The following ASXL1 variants were observed in gnomAD, a reference collection of about 807,000 sequenced individuals.
ASXL1 encodes the protein ASXL transcriptional regulator 1, also known as polycomb group protein ASXL1.
Under a neutral mutation model 89.1 loss-of-function variants are expected in ASXL1, and 65 were observed. The observed-to-expected ratio is 0.73, with a 90% CI of 0.60 to 0.90. ASXL1 has a LOEUF of 0.90. Ranked by LOEUF, ASXL1 falls within the 40% of genes least tolerant of loss-of-function variation. ASXL1 has a pLI of 0.00. For missense variants in ASXL1, 1,786 were observed against 1,942.9 expected (o/e 0.92, Z 1.52); for synonymous variants, 739 against 746.9 (o/e 0.99, Z 0.17).
At position 32,438,455 on chromosome 20, in the gene ASXL1, C is replaced by T. The variant is rs954640877; in HGVS notation, c.*1117C>T. 1.7e-5 allele frequency: 4 copies of T among 233,416 alleles called. No individual in the cohort carries two copies. The highest frequency in any genetic ancestry group is 3.4e-5 in the Non-Finnish European group (4 of 118,028). 14.5% of individuals were successfully genotyped at this position (233,416 alleles called of 1,614,324 possible). ...AGCCACTGAGTGCTGTGCTGCTCGACGTGAGGGTGAAATGATTGACTTGTG... is the reference window on the plus strand; with the variant it reads ...AGCCACTGAGTGCTGTGCTGCTCGATGTGAGGGTGAAATGATTGACTTGTG... On this transcript the variant is annotated 3_prime_UTR_variant, in exon 13 of 13. Coordinates refer to ENST00000375687, the MANE Select transcript of ASXL1 (RefSeq NM_015338.6).
At chr20:32,388,052 ACT>A (rs1442057042) in intron 4 of ASXL1, among the ~76,000 whole-genome samples, 1 of 151,596 alleles carries the variant, frequency 6.6e-6, no homozygotes, top group Non-Finnish European at 1.5e-5. Context: ...TCATTTTATC[ACT>A]CTCTCTGCCA....
intron 4 of ASXL1, among the ~76,000 whole-genome samples, chr20:32,384,557 A>C (rs1209135230): frequency 6.6e-6 from 1 of 152,160 alleles, no homozygotes; most frequent in Non-Finnish European, 1.5e-5. Context: ...TTCTTTGACT[A>C]ATTCCCAAAG....
intron 4 of ASXL1, among the ~76,000 whole-genome samples, chr20:32,392,894 A>G (rs1039437013): frequency 3.3e-5 from 5 of 152,154 alleles, no homozygotes; most frequent in Non-Finnish European, 7.3e-5. Flanking sequence ...GATCAGAATA[A>G]GGTGTCTTGA....
chr20:32,367,665 T>G (rs1000221433), intron 2 of ASXL1, 62 bp from the exon 3 acceptor site: 10 of 779,600 alleles, frequency 1.3e-5, no homozygotes, highest in African/African-American at 3.4e-5. Flanking sequence ...TTATTTTTGT[T>G]TTTATGGGCT....
At position 32,398,407 on chromosome 20, in the gene ASXL1, G is replaced by A. The variant is rs922407123; in HGVS notation, c.252+29284G>A. 5.3e-5 allele frequency among the ~76,000 whole-genome samples: 8 copies of A among 151,678 alleles called. No individual in the cohort carries two copies. The South Asian group carries it at 1.7e-3, about 32-fold the overall frequency. On this transcript the variant is annotated intron_variant, in intron 4 of 12. Transcript: ENST00000375687. ...AGTGTTGGGTAACCATCTTTATCTG[G>A]TTCCAAAACATTTTTTTTTCTTTGA...
At chr20:32,389,628 C>G (rs552387861) in intron 4 of ASXL1, among the ~76,000 whole-genome samples, 2 of 152,310 alleles carry the variant, frequency 1.3e-5, no homozygotes, top group South Asian at 2.1e-4. Flanking sequence ...CTCTGTTGTC[C>G]AGGCTGGAGT....
At chr20:32,384,401 C>A (rs1414580993) in intron 4 of ASXL1, among the ~76,000 whole-genome samples, 1 of 151,900 alleles carries the variant, frequency 6.6e-6, no homozygotes, top group Non-Finnish European at 1.5e-5. Flanking sequence ...GGGGTTTCAC[C>A]CCCAGGCTGG....
intron 4 of ASXL1, among the ~76,000 whole-genome samples, chr20:32,382,493 A>G (rs1004750356): frequency 6.6e-6 from 1 of 151,678 alleles, no homozygotes; most frequent in Non-Finnish European, 1.5e-5. Context: ...AAAAGAGGCC[A>G]GGCACTGTGC....
At chr20:32,369,902 G>T (rs993133187) in intron 4 of ASXL1, among the ~76,000 whole-genome samples, 1 of 148,322 alleles carries the variant, frequency 6.7e-6, no homozygotes, top group Non-Finnish European at 1.5e-5. Flanking sequence ...TGTATTTTTA[G>T]TAGAGACGGG....
At chr20:32,363,533 T>C (rs2048156977) in intron 1 of ASXL1, among the ~76,000 whole-genome samples, 1 of 152,244 alleles carries the variant, frequency 6.6e-6, no homozygotes, top group Non-Finnish European at 1.5e-5. Context: ...CATAGTTGTA[T>C]AAATCATAAA....
intron 4 of ASXL1, among the ~76,000 whole-genome samples, chr20:32,374,058 G>T (rs943277066): frequency 1.3e-5 from 2 of 152,046 alleles, no homozygotes; most frequent in African/African-American, 4.8e-5. Flanking sequence ...TGTCATCCAG[G>T]CTGGAGTTCA....
chr20:32,428,464 A>T, intron 6 of ASXL1, 42 bp downstream of exon 6: 1 of 1,543,396 alleles, frequency 6.5e-7, no homozygotes, highest in Non-Finnish European at 9.0e-7. Flanking sequence ...ATGAATGATG[A>T]CAGGTATAAG....
At chr20:32,409,991 AT>A (rs1257043183) in intron 4 of ASXL1, among the ~76,000 whole-genome samples, 3 of 152,054 alleles carry the variant, frequency 2.0e-5, no homozygotes, top group Non-Finnish European at 4.4e-5. Flanking sequence ...ATTTGTCTTG[AT>A]GCTTTTCATT....
intron 1 of ASXL1, among the ~76,000 whole-genome samples, chr20:32,365,389 G>T (rs2048188099): frequency 6.6e-6 from 1 of 152,144 alleles, no homozygotes; most frequent in African/African-American, 2.4e-5. Context: ...TTCTTCCATA[G>T]AGAGTACCTT....
intron 3 of ASXL1, 59 bp downstream of exon 3, chr20:32,367,788 G>T: frequency 2.6e-6 from 2 of 779,814 alleles, no homozygotes; most frequent in South Asian, 1.3e-5. Context: ...TCTGCTTCTT[G>T]TTCTTAGAGG....
chr20:32,368,917 C>A, intron 3 of ASXL1, 98 bp from the exon 4 acceptor site: 1 of 955,274 alleles, frequency 1.0e-6, no homozygotes, highest in Non-Finnish European at 1.6e-6. Context: ...GTATTTCTTG[C>A]TTAGCTTCTT....
intron 4 of ASXL1, among the ~76,000 whole-genome samples, chr20:32,395,356 C>T (rs1419506063): frequency 2.0e-5 from 3 of 152,086 alleles, no homozygotes; most frequent in Non-Finnish European, 4.4e-5. Context: ...CATTATTTCT[C>T]CTGTAAAATC....
Position 32,437,960 on chromosome 20 carries a change from A to G in ASXL1, c.*622A>G, listed in dbSNP as rs1301056934. ...CTGTCTCAGTGTGATCCACTAACCC[A>G]CAGGATCATTTGGAACCTTGAATAG... On this transcript the variant is annotated 3_prime_UTR_variant, in exon 13 of 13. Coordinates refer to ENST00000375687, the MANE Select transcript of ASXL1 (RefSeq NM_015338.6). 1 of 236,044 alleles carries G rather than the reference A, an allele frequency of 4.2e-6. No homozygotes were observed. Among genetic ancestry groups the G allele is most frequent in the Non-Finnish European group, 8.3e-6 (1 of 119,976 alleles). 14.6% of individuals were successfully genotyped at this position (236,044 alleles called of 1,614,324 possible).
chr20:32,375,478 C>T (rs986759183), intron 4 of ASXL1, among the ~76,000 whole-genome samples: 1 of 151,172 alleles, frequency 6.6e-6, no homozygotes, highest in Non-Finnish European at 1.5e-5. Context: ...AGAACAAAGA[C>T]ATTTTCCTAT....
Sources: allele counts gnomAD v4.1 joint callset (sites outside exome capture counted in the v4.1 genomes callset), GRCh38; gene constraint gnomAD v4.1.1; transcripts MANE v1.5; gene names NCBI Gene and HGNC (gene_info 2026-07-23, HGNC 2026-07-21).